Variants in ARL15 observed in about 807,000 individuals in gnomAD.
ARL15 encodes ARF like GTPase 15.
Under a neutral mutation model 25.2 loss-of-function variants are expected in ARL15, and 19 were observed. That is an observed-to-expected ratio of 0.75 (90% CI 0.53 to 1.10). The LOEUF is 1.10. Ranked by LOEUF, ARL15 falls within the 50% of genes least tolerant of loss-of-function variation. ARL15 has a pLI of 0.00. For missense variants in ARL15, 220 were observed against 246.0 expected (o/e 0.89, Z 0.71); for synonymous variants, 94 against 86.8 (o/e 1.08, Z -0.46).
rs149080481 is a variant in ARL15, at chr5:54,202,399, G to A, written c.49-30471C>T. On this transcript the variant is annotated intron_variant, in intron 1 of 4. Coordinates refer to ENST00000504924, the MANE Select transcript of ARL15 (RefSeq NM_019087.3). ...TTAAGCAGAAAGGAGGAAGTCAGAA[G>A]AGTCAGAATCAGGGAGATGGCATTG... Among the ~76,000 whole-genome samples the A allele has an allele frequency of 6.8e-4, 103 of 152,318 alleles. 4 individuals carry two copies. In the East Asian group the frequency reaches 0.019, roughly 28 times the overall value.
At chr5:53,888,843 C>T (rs1406469121) in intron 4 of ARL15, among the ~76,000 whole-genome samples, 1 of 152,154 alleles carries the variant, frequency 6.6e-6, no homozygotes, top group Non-Finnish European at 1.5e-5. Context: ...GAGGTGGGGG[C>T]TGCTCCAAAG....
At chr5:54,157,689 G>A (rs1007505334) in intron 2 of ARL15, among the ~76,000 whole-genome samples, 1 of 152,152 alleles carries the variant, frequency 6.6e-6, no homozygotes, top group African/African-American at 2.4e-5. Flanking sequence ...GGGATTACAG[G>A]CACGAGCCTC....
At chr5:54,064,026 C>T (rs34248265) in intron 4 of ARL15, among the ~76,000 whole-genome samples, 16,051 of 152,076 alleles carry the variant, frequency 0.11, 1,024 homozygotes, top group African/African-American at 0.17. Context: ...GTTTTCCTAC[C>T]ATTTATCTTA....
chr5:54,222,126 C>A (rs1395462847), intron 1 of ARL15, among the ~76,000 whole-genome samples: 1 of 152,168 alleles, frequency 6.6e-6, no homozygotes, highest in Non-Finnish European at 1.5e-5. Context: ...TTCTCTTGAA[C>A]CCCAATGAAT....
intron 1 of ARL15, among the ~76,000 whole-genome samples, chr5:54,249,269 A>G (rs1012857102): frequency 1.3e-5 from 2 of 152,222 alleles, no homozygotes. Context: ...CTAATGACCC[A>G]GTTGCAGTTG....
At chr5:54,289,362 GAA>G (rs754153985) in intron 1 of ARL15, among the ~76,000 whole-genome samples, 3 of 123,540 alleles carry the variant, frequency 2.4e-5, no homozygotes, top group African/African-American at 8.8e-5. Flanking sequence ...GTCCTATGAA[GAA>G]AAAAAAAAAA....
At chr5:54,253,390 C>G (rs1370121343) in intron 1 of ARL15, among the ~76,000 whole-genome samples, 1 of 152,016 alleles carries the variant, frequency 6.6e-6, no homozygotes, top group African/African-American at 2.4e-5. Context: ...AACATGTAAC[C>G]CCATGTAATC....
intron 1 of ARL15, among the ~76,000 whole-genome samples, chr5:54,234,874 ATTTT>A: frequency 6.6e-6 from 1 of 152,226 alleles, no homozygotes; most frequent in Admixed American, 6.5e-5. Context: ...ATTAATTTTA[ATTTT>A]TTGATAATAT....
intron 4 of ARL15, among the ~76,000 whole-genome samples, chr5:53,940,768 T>C (rs1353573580): frequency 6.6e-6 from 1 of 152,244 alleles, no homozygotes; most frequent in Non-Finnish European, 1.5e-5. Flanking sequence ...ACATTTCTAA[T>C]GTGTCATCAA....
chr5:53,890,742 T>C (rs967561747), intron 4 of ARL15, among the ~76,000 whole-genome samples: 1 of 152,218 alleles, frequency 6.6e-6, no homozygotes, highest in African/African-American at 2.4e-5. Context: ...TGCCGGCTGA[T>C]TGGCATGACT....
intron 4 of ARL15, among the ~76,000 whole-genome samples, chr5:54,031,056 A>T (rs1400662721): frequency 6.6e-6 from 1 of 152,192 alleles, no homozygotes; most frequent in African/African-American, 2.4e-5. Context: ...CAGATGGTAC[A>T]TGTGTACAGG....
chr5:54,188,551 A>G (rs946342913), intron 1 of ARL15, among the ~76,000 whole-genome samples: 1 of 152,092 alleles, frequency 6.6e-6, no homozygotes, highest in Non-Finnish European at 1.5e-5. Flanking sequence ...AGACATGGAC[A>G]GTATTTGCCA....
At position 53,972,565 on chromosome 5, in the gene ARL15, TC is replaced by T. The variant is rs201171250; in HGVS notation, c.463-85853del. Among the ~76,000 whole-genome samples, 51 of 152,042 alleles carry T rather than the reference TC, an allele frequency of 3.4e-4. 1 individual carries two copies. The highest frequency in any genetic ancestry group is 6.2e-4 in the Non-Finnish European group (42 of 67,934). ...TAGGTTGCACCAGGTAACATTTGTT[TC>T]TTTTTTTGTACGTCAAAAACAGTTG... is the stretch of plus-strand genomic sequence containing the variant. On this transcript the variant is annotated intron_variant, in intron 4 of 4. Transcript: ENST00000504924.
At chr5:54,072,525 G>C (rs2112078335) in intron 4 of ARL15, among the ~76,000 whole-genome samples, 1 of 152,200 alleles carries the variant, frequency 6.6e-6, no homozygotes, top group South Asian at 2.1e-4. Flanking sequence ...ATGTCTCCGA[G>C]ATATTTAAGT....
chr5:53,914,832 A>C (rs1352769216), intron 4 of ARL15, among the ~76,000 whole-genome samples: 1 of 147,460 alleles, frequency 6.8e-6, no homozygotes, highest in African/African-American at 2.5e-5. Flanking sequence ...CTTTCCTTTG[A>C]TGGAGTCTCG....
chr5:54,029,315 C>CACCACCACCACT (rs1749889173), intron 4 of ARL15, among the ~76,000 whole-genome samples: 4 of 115,750 alleles, frequency 3.5e-5, no homozygotes, highest in African/African-American at 1.1e-4. Context: ...TTACCACCAC[C>CACCACCACCACT]ACCACCACCA....
intron 4 of ARL15, among the ~76,000 whole-genome samples, chr5:54,107,612 G>A (rs1159282217): frequency 6.6e-6 from 1 of 152,154 alleles, no homozygotes; most frequent in East Asian, 1.9e-4. Flanking sequence ...GGGAGAATGA[G>A]ACTGTGAAAA....
At chr5:54,012,780 T>TACCAA (rs1045940001) in intron 4 of ARL15, among the ~76,000 whole-genome samples, 9 of 151,858 alleles carry the variant, frequency 5.9e-5, no homozygotes. Context: ...CGCCTCGGCC[T>TACCAA]ACCAAAGTGC....
At chr5:54,209,454 G>A (rs1469195108) in intron 1 of ARL15, among the ~76,000 whole-genome samples, 5 of 151,962 alleles carry the variant, frequency 3.3e-5, no homozygotes, top group Non-Finnish European at 5.9e-5. Context: ...ATTGACCACT[G>A]GTTTTCACAT....
Sources: gnomAD v4.1 joint callset for allele counts (sites outside exome capture counted in the v4.1 genomes callset) on GRCh38, gnomAD v4.1.1 for gene constraint, MANE v1.5 for transcripts, NCBI Gene and HGNC (gene_info 2026-07-23, HGNC 2026-07-21) for gene names.